Variants in CLNS1A observed in about 807,000 individuals in gnomAD.
CLNS1A encodes the protein methylosome subunit pICln.
CLNS1A carries 16 observed loss-of-function variants against 29.4 expected under a neutral mutation model. The observed-to-expected ratio is 0.54, with a 90% CI of 0.37 to 0.83. The LOEUF is 0.83. Ranked by LOEUF, CLNS1A falls within the 40% of genes least tolerant of loss-of-function variation. The pLI, the probability that CLNS1A is intolerant of heterozygous loss-of-function variation, is 0.00. For missense variants in CLNS1A, 235 were observed against 287.4 expected, an observed-to-expected ratio of 0.82 and a Z score of 1.32; for synonymous variants, 96 against 104.8, an observed-to-expected ratio of 0.92 and a Z score of 0.51.
At chr11:77,636,218 C>A (rs1483542115) in intron 1 of CLNS1A, among the ~76,000 whole-genome samples, 1 of 152,138 alleles carries the variant, frequency 6.6e-6, no homozygotes, top group African/African-American at 2.4e-5. Context: ...CTACAGGCCG[C>A]CACCATGCCT....
intron 1 of CLNS1A, among the ~76,000 whole-genome samples, chr11:77,634,702 C>G (rs1017867693): frequency 7.7e-6 from 1 of 129,662 alleles, no homozygotes; most frequent in Non-Finnish European, 1.6e-5. Context: ...CCAGCCTGGG[C>G]GACAGAACAA....
chr11:77,625,044 C>G lies in CLNS1A; in HGVS notation c.391G>C (p.Glu131Gln). The change falls in exon 4 of 7, where the codon GAA (glutamate) becomes CAA (glutamine). Residue 131 changes from glutamate (E) to glutamine (Q), a missense_variant. By Grantham distance (29) the Glu-to-Gln change is conservative. Transcript: ENST00000525428. ...GGATCTGGATGCAAGGCCTGGCATT[C>G]GCACATTGCAGTGAACATTGCCTCC... is the stretch of plus-strand genomic sequence containing the variant. ...ALEAMFTAMC[E>Q]CQALHPDPED... 1 of 1,613,502 alleles carries G rather than the reference C, an allele frequency of 6.2e-7. No homozygotes were observed. Among genetic ancestry groups the G allele is most frequent in the East Asian group, 2.2e-5 (1 of 44,870 alleles).
intron 5 of CLNS1A, 88 bp from the exon 6 acceptor site, chr11:77,619,783 G>T (rs1433763817): frequency 1.1e-6 from 1 of 919,618 alleles, no homozygotes; most frequent in Non-Finnish European, 1.8e-6. Flanking sequence ...AAGGAAGCTA[G>T]TGCCCTCTGC....
intron 1 of CLNS1A, among the ~76,000 whole-genome samples, chr11:77,635,420 C>G (rs1445524828): frequency 6.7e-6 from 1 of 149,780 alleles, no homozygotes; most frequent in African/African-American, 2.5e-5. Context: ...GGCATGATCT[C>G]GGCTTACTAC....
chr11:77,627,606 C>T (rs1183936207), intron 2 of CLNS1A, among the ~76,000 whole-genome samples: 2 of 152,068 alleles, frequency 1.3e-5, no homozygotes, highest in Non-Finnish European at 2.9e-5. Flanking sequence ...GATTATAGAG[C>T]ACATATTTAA....
chr11:77,619,120 C>A (rs1158072073), intron 6 of CLNS1A, among the ~76,000 whole-genome samples: 2 of 152,148 alleles, frequency 1.3e-5, no homozygotes, highest in Non-Finnish European at 2.9e-5. Context: ...TATTATCTAA[C>A]ATATAGTTGA....
chr11:77,632,886 CA>C (rs1450257780), intron 1 of CLNS1A, among the ~76,000 whole-genome samples: 1 of 151,742 alleles, frequency 6.6e-6, no homozygotes, highest in African/African-American at 2.4e-5. Context: ...TCAGGAGTTC[CA>C]GACCAGACTA....
At chr11:77,617,923 GA>G (rs1218304284) in intron 6 of CLNS1A, among the ~76,000 whole-genome samples, 252 of 102,254 alleles carry the variant, frequency 2.5e-3, no homozygotes, top group African/African-American at 6.9e-3. Context: ...ATCTCAAAAA[GA>G]AAAAAAAAAA....
intron 2 of CLNS1A, among the ~76,000 whole-genome samples, chr11:77,626,774 C>T (rs1959024197): frequency 6.7e-6 from 1 of 150,058 alleles, no homozygotes; most frequent in South Asian, 2.1e-4. Flanking sequence ...TCACTGCAAG[C>T]TCTGCCTCTT....
intron 4 of CLNS1A, among the ~76,000 whole-genome samples, chr11:77,623,750 A>C (rs1319197463): frequency 1.3e-5 from 2 of 152,222 alleles, no homozygotes; most frequent in East Asian, 3.8e-4. Context: ...AAGTGGGTAC[A>C]TATGAAGGAA....
intron 5 of CLNS1A, 29 bp downstream of exon 5, chr11:77,622,471 G>A: frequency 1.3e-6 from 2 of 1,535,162 alleles, no homozygotes; most frequent in East Asian, 4.5e-5. Context: ...GTGCTCATCT[G>A]ACTGTTCACA....
intron 1 of CLNS1A, among the ~76,000 whole-genome samples, chr11:77,637,269 AGAAAGAAAG>A (rs1959138942): frequency 1.4e-5 from 2 of 145,398 alleles, no homozygotes; most frequent in African/African-American, 2.6e-5. Flanking sequence ...AGAAAATAAA[AGAAAGAAAG>A]AAAGAAAAGA....
chr11:77,623,665 G>C (rs1041904119), intron 4 of CLNS1A, among the ~76,000 whole-genome samples: 2 of 151,840 alleles, frequency 1.3e-5, no homozygotes, highest in Non-Finnish European at 2.9e-5. Context: ...AAAAATCTCA[G>C]AAAGATAAGG....
In CLNS1A at chr11:77,631,795, T is replaced by C. The variant is rs111780907; in HGVS notation, c.126-1896A>G. Reference sequence around the variant, plus strand: ...CTCTGTCACCCAGGCTGGAGTGCAGTAGCATGATCTTGGCTCACTGCAATC... The same window carrying C: ...CTCTGTCACCCAGGCTGGAGTGCAGCAGCATGATCTTGGCTCACTGCAATC... On this transcript the variant is annotated intron_variant, in intron 1 of 6. Coordinates refer to ENST00000525428, the MANE Select transcript of CLNS1A (RefSeq NM_001293.3). Among the ~76,000 whole-genome samples the C allele has an allele frequency of 3.3e-3, 498 of 152,074 alleles. 2 individuals carry two copies. The highest frequency in any genetic ancestry group is 5.9e-3 in the Non-Finnish European group (400 of 67,978).
At position 77,614,566 on chromosome 11, in the gene CLNS1A, CA is replaced by C. The variant is rs2135755649; in HGVS notation, c.*2151del. On this transcript the variant is annotated 3_prime_UTR_variant, in exon 7 of 7. Transcript: ENST00000525428. ...TTCACCGTATTGGCCAGGCTGGTCT[CA>C]AACTCCTGACCTCAAGTGATCTGCC... The C allele has an allele frequency of 1.3e-5, 2 of 151,996 alleles. No individual in the cohort carries two copies. The highest frequency in any genetic ancestry group is 4.2e-4 in the South Asian group (2 of 4,800). 9.4% of individuals were successfully genotyped at this position (151,996 alleles called of 1,614,324 possible). A position where few individuals can be genotyped will look rare whatever the true frequency, so the allele number is the denominator to read the frequency against.
intron 6 of CLNS1A, among the ~76,000 whole-genome samples, chr11:77,617,950 C>A (rs1372949153): frequency 1.3e-5 from 2 of 151,074 alleles, no homozygotes; most frequent in African/African-American, 4.9e-5. Flanking sequence ...AGAAAAAAAA[C>A]CGTTATGAAT....
At chr11:77,623,055 T>C (rs1958979694) in intron 4 of CLNS1A, among the ~76,000 whole-genome samples, 1 of 151,916 alleles carries the variant, frequency 6.6e-6, no homozygotes, top group Non-Finnish European at 1.5e-5. Context: ...AGGCTACTGC[T>C]GAAGACAGAA....
intron 2 of CLNS1A, among the ~76,000 whole-genome samples, chr11:77,629,272 T>A (rs553590742): frequency 7.2e-5 from 11 of 152,328 alleles, no homozygotes; most frequent in African/African-American, 2.6e-4. Context: ...CAGACACACA[T>A]GAACATCCAT....
At chr11:77,630,026 A>T (rs1241072396) in intron 1 of CLNS1A, 127 bp from the exon 2 acceptor site, 2 of 783,802 alleles carry the variant, frequency 2.6e-6, no homozygotes, top group Non-Finnish European at 3.8e-6. Flanking sequence ...TTTTTTAGAA[A>T]CGTTCATAAA....
Sources: allele counts gnomAD v4.1 joint callset (sites outside exome capture counted in the v4.1 genomes callset), GRCh38; gene constraint gnomAD v4.1.1; transcripts MANE v1.5; gene names NCBI Gene and HGNC (gene_info 2026-07-23, HGNC 2026-07-21).